Variants in HDAC9 observed in about 807,000 individuals in gnomAD.
HDAC9 encodes the protein histone deacetylase 9.
In HDAC9, 41 loss-of-function variants were observed where a neutral mutation model predicts 139.4. The ratio of observed to expected loss-of-function variants is 0.29; its 90% CI spans 0.23 to 0.38. HDAC9 has a LOEUF of 0.38. HDAC9 is among the 10% of genes least tolerant of loss of function. The pLI is 1.00. For missense variants in HDAC9, 1,147 were observed against 1,297.0 expected, an observed-to-expected ratio of 0.88 and a Z score of 1.78; for synonymous variants, 517 against 476.2, an observed-to-expected ratio of 1.09 and a Z score of -1.12.
chr7:18,557,776 ATAT>A (rs1391297368), intron 2 of HDAC9, among the ~76,000 whole-genome samples: 3 of 150,418 alleles, frequency 2.0e-5, no homozygotes, highest in Non-Finnish European at 4.4e-5. Context: ...CAAAAATGAA[ATAT>A]TATTTATATA....
chr7:18,348,276 T>G (rs146545224), intron 1 of HDAC9, among the ~76,000 whole-genome samples: 3 of 152,308 alleles, frequency 2.0e-5, no homozygotes, highest in African/African-American at 7.2e-5. Context: ...GAGTATAGAT[T>G]CGTATGTTCA....
chr7:18,461,837 T>C (rs1055994027), intron 1 of HDAC9, among the ~76,000 whole-genome samples: 4 of 152,166 alleles, frequency 2.6e-5, no homozygotes, highest in African/African-American at 9.7e-5. Flanking sequence ...AATATGACTT[T>C]AGTCAGTTTC....
intron 1 of HDAC9, among the ~76,000 whole-genome samples, chr7:18,389,356 G>A (rs1186951528): frequency 6.6e-6 from 1 of 152,148 alleles, no homozygotes; most frequent in Non-Finnish European, 1.5e-5. Flanking sequence ...TAGGCATTTA[G>A]GACAGCACAG....
chr7:18,261,134 C>A (rs1584899880), intron 2 of HDAC9, among the ~76,000 whole-genome samples: 1 of 137,736 alleles, frequency 7.3e-6, no homozygotes. Context: ...GAAACCATGT[C>A]TTTACAAAAA....
At chr7:18,672,065 G>A (rs891152047) in intron 12 of HDAC9, among the ~76,000 whole-genome samples, 1 of 151,926 alleles carries the variant, frequency 6.6e-6, no homozygotes, top group African/African-American at 2.4e-5. Flanking sequence ...TTTCTCCTGG[G>A]TATATATCTA....
At chr7:18,158,068 A>G (rs1338229875) in intron 1 of HDAC9, among the ~76,000 whole-genome samples, 3 of 152,212 alleles carry the variant, frequency 2.0e-5, no homozygotes, top group African/African-American at 7.2e-5. Context: ...TGCCCTAGCC[A>G]TGAGAAAGAT....
intron 1 of HDAC9, among the ~76,000 whole-genome samples, chr7:18,110,842 G>T (rs1347144087): frequency 6.6e-6 from 1 of 152,106 alleles, no homozygotes; most frequent in East Asian, 1.9e-4. Context: ...AAGACAAAAT[G>T]GATATGATAG....
intron 2 of HDAC9, among the ~76,000 whole-genome samples, chr7:18,191,760 T>C (rs1790365204): frequency 6.6e-6 from 1 of 152,252 alleles, no homozygotes; most frequent in South Asian, 2.1e-4. Context: ...TGAAAACTTA[T>C]GAATTTGCAG....
chr7:18,135,255 C>G (rs1036633361), intron 1 of HDAC9, among the ~76,000 whole-genome samples: 1 of 129,474 alleles, frequency 7.7e-6, no homozygotes, highest in Non-Finnish European at 1.7e-5. Context: ...AAATTTCTTT[C>G]TTTTTTTTTT....
At chr7:18,392,403 A>AGATG (rs745419947) in intron 1 of HDAC9, among the ~76,000 whole-genome samples, 165 of 46,258 alleles carry the variant, frequency 3.6e-3, no homozygotes, top group Non-Finnish European at 6.8e-3. Context: ...ATAGATGGAT[A>AGATG]GATAGATAGA....
intron 1 of HDAC9, among the ~76,000 whole-genome samples, chr7:18,444,390 A>G (rs1024010290): frequency 2.6e-5 from 4 of 151,582 alleles, no homozygotes; most frequent in African/African-American, 7.3e-5. Context: ...ATCAACATCA[A>G]TAATGAAGTA....
At position 18,978,286 on chromosome 7, in the gene HDAC9, C is replaced by T. The variant is rs183185576; in HGVS notation, c.3170+2333C>T. Among the ~76,000 whole-genome samples, 18 of 152,236 alleles carry T rather than the reference C, an allele frequency of 1.2e-4. No individual in the cohort carries two copies. In the South Asian group the frequency reaches 3.5e-3, roughly 30 times the overall value. On this transcript the variant is annotated intron_variant, in intron 25 of 25. Coordinates refer to ENST00000686413, the MANE Select transcript of HDAC9 (RefSeq NM_178425.4). The stretch of plus-strand genomic sequence containing the variant: ...CATACTAAGATTTTGGGTAAAGCAG[C>T]TCTTTTCCTGGCCAACTCATATCTG...
intron 2 of HDAC9, among the ~76,000 whole-genome samples, chr7:18,584,140 C>CCTTT: frequency 9.3e-6 from 1 of 107,754 alleles, no homozygotes; most frequent in Non-Finnish European, 1.8e-5. Context: ...AAGCAGCATT[C>CCTTT]TTTTTTTTTT....
chr7:18,833,212 G>A (rs1795988062), intron 19 of HDAC9, among the ~76,000 whole-genome samples: 1 of 152,148 alleles, frequency 6.6e-6, no homozygotes, highest in Non-Finnish European at 1.5e-5. Flanking sequence ...ATCTTATTAT[G>A]CTGTGAACAG....
chr7:18,755,672 G>A (rs1321263205), intron 14 of HDAC9, among the ~76,000 whole-genome samples: 1 of 152,074 alleles, frequency 6.6e-6, no homozygotes, highest in African/African-American at 2.4e-5. Flanking sequence ...GCTTTCTGGT[G>A]AGGACAGTGA....
At chr7:18,931,287 T>C (rs558006054) in intron 22 of HDAC9, among the ~76,000 whole-genome samples, 2 of 152,312 alleles carry the variant, frequency 1.3e-5, no homozygotes, top group South Asian at 4.1e-4. Flanking sequence ...ATCATTCTTT[T>C]TATTGTCATC....
Position 18,961,303 on chromosome 7 carries a change from T to C in HDAC9, c.3022+7073T>C, listed in dbSNP as rs528631742. On this transcript the variant is annotated intron_variant, in intron 24 of 25. Transcript: ENST00000686413. ...GAAGACAGGAGATTAGCAGGGCTTATAGTCAAATATGAGCTGTTTAATTCA... is the reference window on the plus strand; with the variant it reads ...GAAGACAGGAGATTAGCAGGGCTTACAGTCAAATATGAGCTGTTTAATTCA... 2.0e-5 allele frequency among the ~76,000 whole-genome samples: 3 copies of C among 152,316 alleles called. No individual in the cohort carries two copies. The East Asian group carries it at 5.8e-4, about 29-fold the overall frequency.
Position 18,997,753 on chromosome 7 carries a change from T to A in HDAC9, c.*1691T>A, listed in dbSNP as rs1280045998. 1.3e-5 allele frequency: 2 copies of A among 152,136 alleles called. No individual in the cohort carries two copies. Among genetic ancestry groups the A allele is most frequent in the Non-Finnish European group, 2.9e-5 (2 of 67,986 alleles). The allele number at this position is 152,136 out of a possible 1,614,324, so 9.4% of individuals were successfully genotyped here. On this transcript the variant is annotated 3_prime_UTR_variant, in exon 26 of 26. Coordinates refer to ENST00000686413, the MANE Select transcript of HDAC9 (RefSeq NM_178425.4). The stretch of plus-strand genomic sequence containing the variant: ...ACTCAAGTAGAATTATATAACTCCC[T>A]TTGTTATACAGTCAGACCATATTTT...
chr7:18,922,424 A>G (rs1461444684), intron 22 of HDAC9, among the ~76,000 whole-genome samples: 1 of 152,094 alleles, frequency 6.6e-6, no homozygotes, highest in African/African-American at 2.4e-5. Flanking sequence ...CACAGCTAGA[A>G]GGAAGCCTTC....
Sources: allele counts gnomAD v4.1 joint callset (sites outside exome capture counted in the v4.1 genomes callset), GRCh38; gene constraint gnomAD v4.1.1; transcripts MANE v1.5; gene names NCBI Gene and HGNC (gene_info 2026-07-23, HGNC 2026-07-21).